WWOX: variants seen among roughly 807,000 people sequenced by gnomAD.
The protein encoded by WWOX is WW domain-containing oxidoreductase.
A neutral mutation model predicts 46.2 loss-of-function variants in WWOX; 69 were observed. The ratio of observed to expected loss-of-function variants is 1.49; its 90% CI spans 1.23 to 1.82. The LOEUF (loss-of-function observed/expected upper bound fraction) is 1.82, where lower values mean the gene tolerates loss of function less well. WWOX is among the 40% of genes most tolerant of loss of function. The pLI is 0.00. For synonymous variants in WWOX, 359 were observed against 202.6 expected (o/e 1.77, Z -6.56); for missense variants, 919 against 542.6 (o/e 1.69, Z -6.89).
chr16:78,667,583 A>C (rs1015473105), intron 8 of WWOX, among the ~76,000 whole-genome samples: 1 of 149,532 alleles, frequency 6.7e-6, no homozygotes, highest in Non-Finnish European at 1.5e-5. Flanking sequence ...AGGCAGGAGA[A>C]TGGCATGAAC....
chr16:78,987,383 G>A (rs1429869164), intron 8 of WWOX, among the ~76,000 whole-genome samples: 1 of 152,162 alleles, frequency 6.6e-6, no homozygotes, highest in Middle Eastern at 3.2e-3. Flanking sequence ...TATTTTCCTA[G>A]CAAAGGCAGG....
At chr16:79,148,943 G>C (rs1376960208) in intron 8 of WWOX, among the ~76,000 whole-genome samples, 1 of 152,000 alleles carries the variant, frequency 6.6e-6, no homozygotes, top group East Asian at 1.9e-4. Flanking sequence ...GTTTTTTTGA[G>C]ATTTCTTGGG....
chr16:79,017,473 A>C (rs868018910), intron 8 of WWOX: 18 of 149,554 alleles, frequency 1.2e-4, no homozygotes, highest in African/African-American at 3.2e-4. Context: ...GAAAGAAAGA[A>C]ATTACAGGTA....
Position 78,578,013 on chromosome 16 carries a change from A to G in WWOX, c.1056+145261A>G, listed in dbSNP as rs572247665. Among the ~76,000 whole-genome samples, 36 of 152,082 alleles carry G rather than the reference A, an allele frequency of 2.4e-4. No homozygotes were observed. The South Asian group carries it at 7.1e-3, about 30-fold the overall frequency. Reference sequence around the variant, plus strand: ...TCACCTAGGTCCAGATTTCAGAGGAAAAAAGTATACCGCCATTGTTCTTGT... The same window carrying G: ...TCACCTAGGTCCAGATTTCAGAGGAGAAAAGTATACCGCCATTGTTCTTGT... On this transcript the variant is annotated intron_variant, in intron 8 of 8. Coordinates refer to ENST00000566780, the MANE Select transcript of WWOX (RefSeq NM_016373.4).
At chr16:78,805,938 A>C (rs1123882) in intron 8 of WWOX, among the ~76,000 whole-genome samples, 27,676 of 152,158 alleles carry the variant, frequency 0.18, 2,691 homozygotes, top group South Asian at 0.24. Flanking sequence ...ACATTAGGGA[A>C]TAACACCCAA....
chr16:78,613,689 G>C (rs75251828), intron 8 of WWOX, among the ~76,000 whole-genome samples: 1,590 of 152,292 alleles, frequency 0.01, 40 homozygotes, highest in African/African-American at 0.037. Flanking sequence ...TAGCTAAGCA[G>C]TGACTGGAGG....
At chr16:78,422,794 CAT>C (rs1250992583) in intron 6 of WWOX, among the ~76,000 whole-genome samples, 25 of 101,594 alleles carry the variant, frequency 2.5e-4, no homozygotes, top group Admixed American at 9.5e-4. Flanking sequence ...TACACACACA[CAT>C]ATATATACAC....
intron 8 of WWOX, among the ~76,000 whole-genome samples, chr16:78,819,958 TTA>T (rs563508817): frequency 3.3e-4 from 50 of 152,214 alleles, no homozygotes; most frequent in Non-Finnish European, 6.3e-4. Context: ...ATTCATTAAT[TTA>T]TACTCTTAGT....
chr16:79,163,779 G>A (rs1444300156), intron 8 of WWOX, among the ~76,000 whole-genome samples: 3 of 112,522 alleles, frequency 2.7e-5, no homozygotes, highest in Non-Finnish European at 5.0e-5. Context: ...CCTGGGCAAC[G>A]AGCAAAACTC....
chr16:78,750,137 T>A (rs907258841), intron 8 of WWOX, among the ~76,000 whole-genome samples: 5 of 152,294 alleles, frequency 3.3e-5, no homozygotes, highest in African/African-American at 1.2e-4. Context: ...GAAAATAAAA[T>A]AGTGAGCAAC....
intron 8 of WWOX, among the ~76,000 whole-genome samples, chr16:78,956,991 C>A (rs2046180543): frequency 6.6e-6 from 1 of 152,084 alleles, no homozygotes; most frequent in Non-Finnish European, 1.5e-5. Context: ...GAACAAATTT[C>A]CTGGCAGCTT....
intron 6 of WWOX, among the ~76,000 whole-genome samples, chr16:78,399,555 C>G (rs969820886): frequency 6.6e-6 from 1 of 152,162 alleles, no homozygotes; most frequent in Non-Finnish European, 1.5e-5. Context: ...GTCTATCAAG[C>G]CTGCTCTTTG....
chr16:79,063,927 A>C (rs2048398046), intron 8 of WWOX, among the ~76,000 whole-genome samples: 1 of 152,192 alleles, frequency 6.6e-6, no homozygotes, highest in South Asian at 2.1e-4. Context: ...AAAAACTGGC[A>C]ATTTTCAGTT....
chr16:78,354,424 A>G (rs1174272235), intron 5 of WWOX, among the ~76,000 whole-genome samples: 1 of 148,852 alleles, frequency 6.7e-6, no homozygotes, highest in Non-Finnish European at 1.5e-5. Context: ...AATTAATGCC[A>G]ATGAAGCCCG....
chr16:78,451,582 T>C (rs897944817), intron 8 of WWOX, among the ~76,000 whole-genome samples: 26 of 152,188 alleles, frequency 1.7e-4, no homozygotes, highest in African/African-American at 5.5e-4. Flanking sequence ...TCCTTGGGCT[T>C]TGGATTTTCT....
intron 8 of WWOX, among the ~76,000 whole-genome samples, chr16:79,119,147 A>G (rs2049576627): frequency 6.6e-6 from 1 of 152,150 alleles, no homozygotes; most frequent in African/African-American, 2.4e-5. Context: ...GATCAGAAGC[A>G]GCACTGAAGT....
chr16:79,108,455 A>C (rs1285408748), intron 8 of WWOX, among the ~76,000 whole-genome samples: 2 of 152,250 alleles, frequency 1.3e-5, no homozygotes, highest in Non-Finnish European at 2.9e-5. Context: ...ATGGGAGCGA[A>C]AGATTGCAAG....
chr16:78,604,970 T>C (rs1453394954), intron 8 of WWOX, among the ~76,000 whole-genome samples: 11 of 43,486 alleles, frequency 2.5e-4, no homozygotes, highest in Non-Finnish European at 4.4e-4. Context: ...CTTTCCTTCC[T>C]TTCTTTCCTT....
At chr16:78,349,299 T>C (rs1388162727) in intron 5 of WWOX, among the ~76,000 whole-genome samples, 1 of 120,340 alleles carries the variant, frequency 8.3e-6, no homozygotes, top group African/African-American at 2.8e-5. Context: ...ATCACCTCTT[T>C]ATAGGCCGTA....
Sources: gnomAD v4.1 joint callset for allele counts (sites outside exome capture counted in the v4.1 genomes callset) on GRCh38, gnomAD v4.1.1 for gene constraint, MANE v1.5 for transcripts, NCBI Gene and HGNC (gene_info 2026-07-23, HGNC 2026-07-21) for gene names.